Variants in TUBB6 observed in about 807,000 individuals in gnomAD.
TUBB6 encodes tubulin beta-6 chain.
In TUBB6, 18 loss-of-function variants were observed where a neutral mutation model predicts 32.3. That is an observed-to-expected ratio of 0.56 (90% confidence interval 0.39 to 0.83). TUBB6 has a LOEUF of 0.83. Among genes scored for constraint, TUBB6 ranks in the 40% least tolerant of loss-of-function variants. TUBB6 has a pLI of 0.00. For missense variants in TUBB6, 480 were observed against 632.0 expected (o/e 0.76, Z 2.58); for synonymous variants, 280 against 265.8 (o/e 1.05, Z -0.52).
In TUBB6 at chr18:12,326,335, G is replaced by C. The variant is rs951719552; in HGVS notation, c.*205G>C. 11 of 732,326 alleles carry C rather than the reference G, an allele frequency of 1.5e-5. No homozygotes were observed. The highest frequency in any genetic ancestry group is 1.9e-5 in the Non-Finnish European group (9 of 471,168). The allele number at this position is 732,326 out of a possible 1,614,324, so 45.4% of individuals were successfully genotyped here. ...AATTGCGGGTTCTACCCAGTCAGAA[G>C]ATCACACCATGGAGACTTTCTACTA... On this transcript the variant is annotated 3_prime_UTR_variant, in exon 4 of 4. Transcript: ENST00000317702.
intron 3 of TUBB6, among the ~76,000 whole-genome samples, chr18:12,313,292 GTTAT>G (rs1906492448): frequency 6.6e-6 from 1 of 152,208 alleles, no homozygotes; most frequent in South Asian, 2.1e-4. Flanking sequence ...AGACAAAAGT[GTTAT>G]TTGTTGATGA....
Position 12,312,038 on chromosome 18 carries a change from G to A in TUBB6, c.277+985G>A, listed in dbSNP as rs554526571. Among the ~76,000 whole-genome samples, 6 of 152,236 alleles carry A rather than the reference G, an allele frequency of 3.9e-5. No individual in the cohort carries two copies. The East Asian group carries it at 1.2e-3, about 29-fold the overall frequency. On this transcript the variant is annotated intron_variant, in intron 3 of 3. Coordinates refer to ENST00000317702, the MANE Select transcript of TUBB6 (RefSeq NM_032525.3). ...ACTGATTCTGGCTTAAAAGCACTAT[G>A]GTGTAGGAATCAAATACATCATGAA...
At chr18:12,315,655 A>G (rs910579475) in intron 3 of TUBB6, among the ~76,000 whole-genome samples, 15 of 152,244 alleles carry the variant, frequency 9.9e-5, no homozygotes, top group African/African-American at 3.6e-4. Flanking sequence ...ATATCACGCC[A>G]GGACTCACGC....
chr18:12,308,263 G>A lies in TUBB6; in HGVS notation c.-30G>A, dbSNP rs1164464713. The A allele has an allele frequency of 2.1e-6, 3 of 1,415,374 alleles. No individual in the cohort carries two copies. The highest frequency in any genetic ancestry group is 1.9e-6 in the Non-Finnish European group (2 of 1,077,804). 87.7% of individuals were successfully genotyped at this position (1,415,374 alleles called of 1,614,324 possible). A position where few individuals can be genotyped will look rare whatever the true frequency, so the allele number is the denominator to read the frequency against. On this transcript the variant is annotated 5_prime_UTR_variant, in exon 1 of 4. Transcript: ENST00000317702. ...CGCAGTTGCCGCTGTCGTCCGCAGA[G>A]CCAGTTCCTAGCGCAGAGCCGCGCC...
chr18:12,318,060 A>G (rs58136410), intron 3 of TUBB6, among the ~76,000 whole-genome samples: 16,656 of 152,052 alleles, frequency 0.11, 937 homozygotes, highest in Middle Eastern at 0.19. Context: ...TTGGGGTTCT[A>G]TGTTTGCCAA....
chr18:12,312,055 C>T (rs1906413531), intron 3 of TUBB6, among the ~76,000 whole-genome samples: 1 of 152,152 alleles, frequency 6.6e-6, no homozygotes, highest in Admixed American at 6.5e-5. Flanking sequence ...GAATCAAATA[C>T]ATCATGAAAA....
Position 12,308,241 on chromosome 18 carries a change from A to G in TUBB6, c.-52A>G. 1 of 1,323,350 alleles carries G rather than the reference A, an allele frequency of 7.6e-7. No individual in the cohort carries two copies. The highest frequency in any genetic ancestry group is 3.6e-5 in the East Asian group (1 of 27,526). The allele number at this position is 1,323,350 out of a possible 1,614,324, so 82.0% of individuals were successfully genotyped here. A position where few individuals can be genotyped will look rare whatever the true frequency, so the allele number is the denominator to read the frequency against. On this transcript the variant is annotated 5_prime_UTR_variant, in exon 1 of 4. Transcript: ENST00000317702. The stretch of plus-strand genomic sequence containing the variant: ...CCCGGGACGCGCGCAGCCGGCCCGC[A>G]GTTGCCGCTGTCGTCCGCAGAGCCA...
Position 12,308,670 on chromosome 18 carries a change from G to A in TUBB6, c.58-17G>A. 6.4e-7 allele frequency: 1 copy of A among 1,567,472 alleles called. No homozygotes were observed. On this transcript the variant is annotated splice_polypyrimidine_tract_variant and intron_variant, in intron 1 of 3. Coordinates refer to ENST00000317702, the MANE Select transcript of TUBB6 (RefSeq NM_032525.3). Reference sequence around the variant, plus strand: ...CTGGGTTCTGAGCGTCTGTCCCCCCGCCTTGCCCTGCCCAAGTTTTGGGAA... The same window carrying A: ...CTGGGTTCTGAGCGTCTGTCCCCCCACCTTGCCCTGCCCAAGTTTTGGGAA...
Position 12,308,778 on chromosome 18 carries a change from A to C in TUBB6, c.149A>C (p.Tyr50Ser), listed in dbSNP as rs199634990. 6.2e-7 allele frequency: 1 copy of C among 1,609,290 alleles called. No homozygotes were observed. Among genetic ancestry groups the C allele is most frequent in the Non-Finnish European group, 8.5e-7 (1 of 1,176,012 alleles). Residue 50 changes from tyrosine to serine, a missense_variant, in exon 2 of 4, where the codon TAC becomes TCC. Tyr to Ser is a moderately radical substitution (Grantham distance 144, BLOSUM62 -2). Coordinates refer to ENST00000317702, the MANE Select transcript of TUBB6 (RefSeq NM_032525.3). Reference protein sequence around the residue: ...SALQLERINVYYNESSSQKYV... With the variant: ...SALQLERINVSYNESSSQKYV... ...CTGCAGCTGGAGAGAATCAACGTCT[A>C]CTACAATGAGTCATCGTGTGAGTAG...
downstream of TUBB6, chr18:12,329,788 A>T (rs1484624814): frequency 1.2e-6 from 2 of 1,606,852 alleles, no homozygotes; most frequent in Non-Finnish European, 1.7e-6. Context: ...AGCAACCTGA[A>T]ATATGAACAA....
chr18:12,324,470 T>G, intron 3 of TUBB6, among the ~76,000 whole-genome samples: 1 of 145,224 alleles, frequency 6.9e-6, no homozygotes, highest in South Asian at 2.2e-4. Context: ...TGAGCTGTAG[T>G]CCCATTCTGA....
At position 12,325,659 on chromosome 18, in the gene TUBB6, C is replaced by T; in HGVS notation, c.870C>T (p.Thr290=). The T allele has an allele frequency of 6.2e-7, 1 of 1,614,030 alleles. No homozygotes were observed. The change falls in exon 4 of 4, where the codon ACC becomes ACT. Residue 290 remains threonine, a synonymous_variant. Transcript: ENST00000317702. Reference sequence around the variant, plus strand: ...GGGCCCTGACCGTGCCCGAGCTCACCCAGCAGATGTTCGACGCCAGGAACA... The same window carrying T: ...GGGCCCTGACCGTGCCCGAGCTCACTCAGCAGATGTTCGACGCCAGGAACA... ...QYRALTVPEL[T]QQMFDARNMM...
rs574409536 is a variant in TUBB6 at position 12,313,472 on chromosome 18, A to G, written c.277+2419A>G. On this transcript the variant is annotated intron_variant, in intron 3 of 3. Coordinates refer to ENST00000317702, the MANE Select transcript of TUBB6 (RefSeq NM_032525.3). ...TGCCTGGAACTGGGAGGTGTTCCCC[A>G]GGACACTAGACTTTGAGTGCTAAAA... 1.4e-3 allele frequency among the ~76,000 whole-genome samples: 220 copies of G among 152,330 alleles called. 1 individual carries two copies. Among genetic ancestry groups the G allele is most frequent in the African/African-American group, 4.8e-3 (199 of 41,570 alleles).
At chr18:12,310,904 C>A in intron 2 of TUBB6, 39 bp from the exon 3 acceptor site, 1 of 1,460,472 alleles carries the variant, frequency 6.8e-7, no homozygotes, top group Non-Finnish European at 9.4e-7. Flanking sequence ...CTTTAGAAAC[C>A]TGAAAGTAAC....
At chr18:12,310,654 TTTTG>T (rs150524614) in intron 2 of TUBB6, among the ~76,000 whole-genome samples, 20,060 of 151,756 alleles carry the variant, frequency 0.13, 1,644 homozygotes, top group South Asian at 0.3. Context: ...TTTCTTGGTT[TTTTG>T]TTTGTTTGTT....
intron 3 of TUBB6, among the ~76,000 whole-genome samples, chr18:12,312,863 G>A (rs928197557): frequency 6.6e-6 from 1 of 152,034 alleles, no homozygotes. Context: ...GCCCAGTGTG[G>A]TGGCACATGC....
chr18:12,324,242 C>T (rs1034953115), intron 3 of TUBB6, among the ~76,000 whole-genome samples: 3 of 151,484 alleles, frequency 2.0e-5, no homozygotes, highest in Non-Finnish European at 4.4e-5. Context: ...TGGTGGCAGG[C>T]GCCTGTAGTC....
chr18:12,326,091 G>A lies in TUBB6; in HGVS notation c.1302G>A (p.Glu434=). The change falls in exon 4 of 4, where the codon GAG becomes GAA. Residue 434 remains glutamate (E), a synonymous_variant. Transcript: ENST00000317702. ...QYQDATANDG[E]EAFEDEEEEI... ...AGGATGCCACCGCCAATGACGGGGA[G>A]GAAGCTTTTGAGGATGAGGAAGAGG... The A allele has an allele frequency of 6.2e-7, 1 of 1,614,140 alleles. No individual in the cohort carries two copies. The highest frequency in any genetic ancestry group is 8.5e-7 in the Non-Finnish European group (1 of 1,179,992).
chr18:12,314,663 C>T (rs570776824), intron 3 of TUBB6, among the ~76,000 whole-genome samples: 6 of 152,160 alleles, frequency 3.9e-5, no homozygotes, highest in South Asian at 4.1e-4. Flanking sequence ...TAAAGTTTTA[C>T]ATATGTAAAA....
Sources: allele counts gnomAD v4.1 joint callset (sites outside exome capture counted in the v4.1 genomes callset), GRCh38; gene constraint gnomAD v4.1.1; transcripts MANE v1.5; gene names NCBI Gene and HGNC (gene_info 2026-07-23, HGNC 2026-07-21).